The following USP32 variants were observed in gnomAD, a reference collection of about 807,000 sequenced individuals.
USP32 encodes the protein ubiquitin specific peptidase 32.
Under a neutral mutation model 204.8 loss-of-function variants are expected in USP32, and 59 were observed. That is an observed-to-expected ratio of 0.29 (90% confidence interval 0.23 to 0.36). USP32 has a LOEUF of 0.36. Among genes scored for constraint, USP32 ranks in the 10% least tolerant of loss-of-function variants. The probability of loss-of-function intolerance (pLI) is 1.00; values close to 1 mark genes in which losing one functional copy is unlikely to be tolerated. For missense variants in USP32, 1,160 were observed against 1,946.4 expected, an observed-to-expected ratio of 0.60 and a Z score of 7.60; for synonymous variants, 517 against 678.4, an observed-to-expected ratio of 0.76 and a Z score of 3.70.
At chr17:60,222,015 C>T (rs900831092) in intron 15 of USP32, among the ~76,000 whole-genome samples, 3 of 152,104 alleles carry the variant, frequency 2.0e-5, no homozygotes, top group Non-Finnish European at 4.4e-5. Context: ...CCACCAAAAG[C>T]TACAAGAAGA....
intron 1 of USP32, among the ~76,000 whole-genome samples, chr17:60,417,841 G>A (rs2090073850): frequency 6.6e-6 from 1 of 151,678 alleles, no homozygotes; most frequent in Non-Finnish European, 1.5e-5. Context: ...CCAGGCTGGA[G>A]GGCAGTGGCA....
At position 60,345,544 on chromosome 17, in the gene USP32, G is replaced by A; in HGVS notation, c.123C>T (p.Tyr41=). 6.2e-7 allele frequency: 1 copy of A among 1,614,214 alleles called. No individual in the cohort carries two copies. Among genetic ancestry groups the A allele is most frequent in the Non-Finnish European group, 8.5e-7 (1 of 1,180,030 alleles). The change falls in exon 2 of 34, where the codon TAC becomes TAT. Residue 41 remains tyrosine, a synonymous_variant. Coordinates refer to ENST00000300896, the MANE Select transcript of USP32 (RefSeq NM_032582.4). ...CCCGGATGAAGCAGTGCTGGCCCAT[G>A]TAATATGAGAGTCCACAGGTCCTCT... ...AFKRTCGLSY[Y]MGQHCFIREV...
rs1359544827 is a variant in USP32, at chr17:60,216,665, G to C, written c.1868-1891C>G. Among the ~76,000 whole-genome samples the C allele has an allele frequency of 2.0e-5, 3 of 152,166 alleles. No individual in the cohort carries two copies. In the East Asian group the frequency reaches 5.8e-4, roughly 29 times the overall value. On this transcript the variant is annotated intron_variant, in intron 16 of 33. Coordinates refer to ENST00000300896, the MANE Select transcript of USP32 (RefSeq NM_032582.4). Reference sequence around the variant, plus strand: ...TAGAAAAGCCTACATTTAAGTAATTGTAACTGTAAGAAGGTTTGAATACTT... The same window carrying C: ...TAGAAAAGCCTACATTTAAGTAATTCTAACTGTAAGAAGGTTTGAATACTT...
At chr17:60,213,519 T>C (rs1054619546) in intron 18 of USP32, 62 bp downstream of exon 18, 48 of 716,128 alleles carry the variant, frequency 6.7e-5, no homozygotes, top group Admixed American at 1.2e-4. Flanking sequence ...AATGGGTTAT[T>C]AGTAACTCTT....
At chr17:60,294,486 T>G (rs187842937) in intron 4 of USP32, among the ~76,000 whole-genome samples, 197 bp downstream of exon 4, 1 of 152,114 alleles carries the variant, frequency 6.6e-6, no homozygotes, top group Admixed American at 6.6e-5. Context: ...TACAGTAGAA[T>G]TGAAAATTTT....
intron 3 of USP32, among the ~76,000 whole-genome samples, chr17:60,298,844 T>G (rs2087502514): frequency 6.6e-6 from 1 of 152,228 alleles, no homozygotes; most frequent in Non-Finnish European, 1.5e-5. Flanking sequence ...AATGTGTAAC[T>G]AAGTATGCTA....
chr17:60,360,492 C>A (rs1415993249), intron 1 of USP32, among the ~76,000 whole-genome samples: 1 of 151,596 alleles, frequency 6.6e-6, no homozygotes, highest in African/African-American at 2.4e-5. Flanking sequence ...AACCCCGTAT[C>A]TACTAAAAAT....
In USP32 at chr17:60,226,097, T is replaced by C. The variant is rs751096511; in HGVS notation, c.1374A>G (p.Glu458=). The change falls in exon 13 of 34, where the codon GAA becomes GAG. Residue 458 remains glutamate (E), a synonymous_variant. Coordinates refer to ENST00000300896, the MANE Select transcript of USP32 (RefSeq NM_032582.4). ...GSSLSYVNTT[E]EKFSDNISTA... The stretch of plus-strand genomic sequence containing the variant: ...TAGAAATGTTGTCTGAAAATTTCTC[T>C]TCTGTAGTATTCACGTAACTGAGGC... 6.2e-7 allele frequency: 1 copy of C among 1,607,390 alleles called. No individual in the cohort carries two copies. The highest frequency in any genetic ancestry group is 2.2e-5 in the East Asian group (1 of 44,528).
At chr17:60,410,544 T>A (rs930356081) in intron 1 of USP32, among the ~76,000 whole-genome samples, 33 of 152,050 alleles carry the variant, frequency 2.2e-4, no homozygotes, top group African/African-American at 7.2e-4. Context: ...GGCAGGCACC[T>A]GTAGTCCCAG....
At chr17:60,416,321 G>T (rs1046593042) in intron 1 of USP32, among the ~76,000 whole-genome samples, 5 of 152,134 alleles carry the variant, frequency 3.3e-5, no homozygotes, top group African/African-American at 1.2e-4. Context: ...CATACAACAA[G>T]AATTTCGTGA....
At chr17:60,225,553 A>G (rs1272475028) in intron 13 of USP32, among the ~76,000 whole-genome samples, 1 of 152,194 alleles carries the variant, frequency 6.6e-6, no homozygotes, top group African/African-American at 2.4e-5. Flanking sequence ...ATATTCAAGA[A>G]TTTTACAATT....
At chr17:60,332,270 A>G (rs552239601) in intron 2 of USP32, among the ~76,000 whole-genome samples, 1 of 151,946 alleles carries the variant, frequency 6.6e-6, no homozygotes, top group East Asian at 1.9e-4. Context: ...AAAAAAGTGT[A>G]CAGTCAATCG....
chr17:60,242,820 T>C (rs2085914597), intron 11 of USP32, among the ~76,000 whole-genome samples: 1 of 152,236 alleles, frequency 6.6e-6, no homozygotes, highest in South Asian at 2.1e-4. Context: ...AGTCTAAGTC[T>C]TCTGTTTTTT....
At chr17:60,239,450 T>C (rs1379326071) in intron 11 of USP32, among the ~76,000 whole-genome samples, 1 of 152,220 alleles carries the variant, frequency 6.6e-6, no homozygotes, top group Non-Finnish European at 1.5e-5. Flanking sequence ...GATTCTTATG[T>C]TGACACATAT....
At position 60,181,749 on chromosome 17, in the gene USP32, C is replaced by T. The variant is rs1304494657; in HGVS notation, c.4124-1G>A. On this transcript the variant is annotated splice_acceptor_variant, in intron 31 of 33. Coordinates refer to ENST00000300896, the MANE Select transcript of USP32 (RefSeq NM_032582.4). LOFTEE classifies it high-confidence loss of function. ...CTTTTTCTTGATGAAGAAGGAGAAC[C>T]TGTGAACAGGACAGAAGAAAAGATT... 1 of 1,606,098 alleles carries T rather than the reference C, an allele frequency of 6.2e-7. No individual in the cohort carries two copies. The highest frequency in any genetic ancestry group is 8.5e-7 in the Non-Finnish European group (1 of 1,176,250).
chr17:60,308,163 T>C (rs2087772887), intron 2 of USP32, among the ~76,000 whole-genome samples: 1 of 152,158 alleles, frequency 6.6e-6, no homozygotes, highest in Non-Finnish European at 1.5e-5. Flanking sequence ...ACTTTTCTGG[T>C]ACATCAAGGC....
intron 3 of USP32, among the ~76,000 whole-genome samples, chr17:60,297,875 T>C (rs2087476008): frequency 6.6e-6 from 1 of 152,186 alleles, no homozygotes; most frequent in African/African-American, 2.4e-5. Flanking sequence ...GCTAACCTAC[T>C]GATTCCTGTT....
chr17:60,278,317 T>A lies in USP32; in HGVS notation c.572-6836A>T, dbSNP rs529091961. Among the ~76,000 whole-genome samples the A allele has an allele frequency of 3.3e-5, 5 of 152,098 alleles. No homozygotes were observed. The South Asian group carries it at 1.0e-3, about 32-fold the overall frequency. On this transcript the variant is annotated intron_variant, in intron 5 of 33. Transcript: ENST00000300896. ...CATATGACTGTGAACAAGACAATTA[T>A]GTTTAGAGATGAGAAGTGAAAACTG...
intron 1 of USP32, among the ~76,000 whole-genome samples, chr17:60,414,569 C>T (rs1223794168): frequency 1.3e-5 from 2 of 151,426 alleles, no homozygotes; most frequent in African/African-American, 4.8e-5. Context: ...GCAGAGATTA[C>T]AGGCGCCCAC....
Sources: gnomAD v4.1 joint callset for allele counts (sites outside exome capture counted in the v4.1 genomes callset) on GRCh38, gnomAD v4.1.1 for gene constraint, MANE v1.5 for transcripts, NCBI Gene and HGNC (gene_info 2026-07-23, HGNC 2026-07-21) for gene names.